Variants in PTK7 observed in about 807,000 individuals in gnomAD.
PTK7 encodes inactive tyrosine-protein kinase 7.
PTK7 carries 39 observed loss-of-function variants against 116.6 expected under a neutral mutation model. That is an observed-to-expected ratio of 0.33 (90% CI 0.26 to 0.44). PTK7 has a LOEUF of 0.44. Ranked by LOEUF, PTK7 falls within the 20% of genes least tolerant of loss-of-function variation. PTK7 has a pLI of 1.00. For missense variants in PTK7, 1,169 were observed against 1,425.6 expected, an observed-to-expected ratio of 0.82 and a Z score of 2.90; for synonymous variants, 546 against 563.6, an observed-to-expected ratio of 0.97 and a Z score of 0.44.
rs1020404875 is a variant in PTK7, at chr6:43,129,876, G to A, written c.470+47G>A. 5.8e-6 allele frequency: 9 copies of A among 1,563,246 alleles called. No individual in the cohort carries two copies. The highest frequency in any genetic ancestry group is 7.9e-6 in the Non-Finnish European group (9 of 1,135,124). ...GATGAAGAGGGTTATTCCGGACAGGGATGTCTCCCCAAATCTTGGACTCTA... is the reference window on the plus strand; with the variant it reads ...GATGAAGAGGGTTATTCCGGACAGGAATGTCTCCCCAAATCTTGGACTCTA... On this transcript the variant is annotated intron_variant, in intron 3 of 19. Transcript: ENST00000230419. This position sits in a 1 kb window ranked among gnomAD's most constrained non-coding sequence, Gnocchi z 4.5.
At chr6:43,156,779 C>T (rs1337895945) in intron 17 of PTK7, among the ~76,000 whole-genome samples, 1 of 152,030 alleles carries the variant, frequency 6.6e-6, no homozygotes, top group Non-Finnish European at 1.5e-5. Flanking sequence ...GCCTGTAATC[C>T]CAGCTACTTG....
Position 43,144,485 on chromosome 6 carries a change from G to T in PTK7, c.2286G>T (p.Glu762Asp). The change falls in exon 15 of 20, where the codon GAG becomes GAT. Residue 762 changes from glutamate to aspartate, a missense_variant. By Grantham distance (45) the Glu-to-Asp change is conservative. Transcript: ENST00000230419. ...TGCAGAACGGGCAGCCCTCAGCAGAGATCCAAGAAGAAGTGGCCTTGACCA... is the reference window on the plus strand; with the variant it reads ...TGCAGAACGGGCAGCCCTCAGCAGATATCCAAGAAGAAGTGGCCTTGACCA... ...GPLQNGQPSA[E>D]IQEEVALTSL... The T allele has an allele frequency of 1.2e-6, 2 of 1,614,128 alleles. 1 individual carries two copies. The highest frequency in any genetic ancestry group is 2.2e-5 in the South Asian group (2 of 91,082).
At chr6:43,153,937 A>G in intron 17 of PTK7, among the ~76,000 whole-genome samples, 1 of 152,034 alleles carries the variant, frequency 6.6e-6, no homozygotes, top group African/African-American at 2.4e-5. Context: ...AGGCCGAGGC[A>G]GGTGGATCAC....
In PTK7 at chr6:43,129,170, C is replaced by G. The variant is rs1769491176; in HGVS notation, c.273C>G (p.Asp91Glu). The stretch of plus-strand genomic sequence containing the variant: ...GCAGCCTGAGCTTTGCAGCTGTGGA[C>G]CGGCTGCAGGACTCTGGCACCTTCC... The part of the protein sequence containing the change: ...QGSSLSFAAV[D>E]RLQDSGTFQC... Residue 91 changes from aspartate (D) to glutamate (E), a missense_variant, in exon 2 of 20, where the codon GAC becomes GAG. Physicochemically the swap from Asp to Glu is conservative, Grantham distance 45. Coordinates refer to ENST00000230419, the MANE Select transcript of PTK7 (RefSeq NM_002821.5). The surrounding 1 kb of genome is among the most constrained non-coding windows in gnomAD (Gnocchi z 4.5). 2 of 1,614,184 alleles carry G rather than the reference C, an allele frequency of 1.2e-6. No homozygotes were observed. The highest frequency in any genetic ancestry group is 4.5e-5 in the East Asian group (2 of 44,880).
chr6:43,132,858 C>A, intron 7 of PTK7, 171 bp downstream of exon 7: 1 of 938,578 alleles, frequency 1.1e-6, no homozygotes. Context: ...GAGCCAGGCA[C>A]AGGGGTTAGG....
chr6:43,113,977 G>GT (rs1768342446), intron 1 of PTK7, among the ~76,000 whole-genome samples: 1 of 152,062 alleles, frequency 6.6e-6, no homozygotes, highest in South Asian at 2.1e-4. Context: ...TCAGAATCTA[G>GT]TGTTACCCTG....
intron 17 of PTK7, among the ~76,000 whole-genome samples, chr6:43,151,632 C>T (rs1414452956): frequency 7.3e-5 from 11 of 149,684 alleles, no homozygotes; most frequent in Non-Finnish European, 5.9e-5. Flanking sequence ...CCCGGGTTGA[C>T]GCCATTATCC....
intron 1 of PTK7, among the ~76,000 whole-genome samples, chr6:43,083,894 T>A (rs1766511301): frequency 6.6e-6 from 1 of 152,182 alleles, no homozygotes; most frequent in Non-Finnish European, 1.5e-5. Context: ...GATTGTAAGT[T>A]ACATATTAGG....
intron 17 of PTK7, among the ~76,000 whole-genome samples, chr6:43,158,095 G>T (rs1414076387): frequency 1.3e-5 from 2 of 151,912 alleles, no homozygotes; most frequent in Non-Finnish European, 2.9e-5. Context: ...TCAGGAGATC[G>T]AGACCATCCT....
chr6:43,159,932 C>T lies in PTK7; in HGVS notation c.3018C>T (p.Pro1006=). ...MWEVFTHGEM[P]HGGQADDEVL... is the part of the protein sequence containing the mutation. ...AAGTGTTTACACATGGAGAGATGCC[C>T]CATGGTGGGCAGGCAGATGATGAAG... Residue 1006 remains proline, a synonymous_variant, in exon 19 of 20, where the codon CCC becomes CCT. Coordinates refer to ENST00000230419, the MANE Select transcript of PTK7 (RefSeq NM_002821.5). 1 of 1,614,040 alleles carries T rather than the reference C, an allele frequency of 6.2e-7. No individual in the cohort carries two copies. The highest frequency in any genetic ancestry group is 8.5e-7 in the Non-Finnish European group (1 of 1,179,964).
chr6:43,152,636 C>G (rs1393422066), intron 17 of PTK7, among the ~76,000 whole-genome samples: 2 of 152,224 alleles, frequency 1.3e-5, no homozygotes, highest in African/African-American at 4.8e-5. Context: ...TGGGAATGTT[C>G]CATTTCTGTG....
chr6:43,118,659 C>CTCTCTCTCTATATA (rs1212636673), intron 1 of PTK7, among the ~76,000 whole-genome samples: 1 of 52,996 alleles, frequency 1.9e-5, no homozygotes, highest in African/African-American at 7.8e-5. Context: ...CTCTCTCTCT[C>CTCTCTCTCTATATA]TATATATATA....
Position 43,119,546 on chromosome 6 carries a change from C to A in PTK7, c.80-9431C>A, listed in dbSNP as rs571955861. 3.9e-5 allele frequency among the ~76,000 whole-genome samples: 6 copies of A among 152,220 alleles called. No homozygotes were observed. The South Asian group carries it at 8.3e-4, about 21-fold the overall frequency. On this transcript the variant is annotated intron_variant, in intron 1 of 19. Coordinates refer to ENST00000230419, the MANE Select transcript of PTK7 (RefSeq NM_002821.5). ...ACCTGGAAGCACTTTGGGTCCGAAC[C>A]CCTCCAGTGAATGGCTGTTGAGCCC...
At position 43,143,793 on chromosome 6, in the gene PTK7, G is replaced by A. The variant is rs1388067003; in HGVS notation, c.2251+173G>A. Among the ~76,000 whole-genome samples, 3 of 152,220 alleles carry A rather than the reference G, an allele frequency of 2.0e-5. No homozygotes were observed. Among genetic ancestry groups the A allele is most frequent in the African/African-American group, 7.2e-5 (3 of 41,464 alleles). ...CCTGGAGTTGGATTCCCAGGGCCTC[G>A]TCTTCTGAGCAACCTGGCTTGAGAC... On this transcript the variant is annotated intron_variant, in intron 14 of 19. Transcript: ENST00000230419. The surrounding 1 kb of genome is among the most constrained non-coding windows in gnomAD (Gnocchi z 4.2).
intron 1 of PTK7, among the ~76,000 whole-genome samples, chr6:43,086,361 TG>T (rs1474631520): frequency 3.3e-5 from 5 of 151,310 alleles, no homozygotes; most frequent in African/African-American, 4.9e-5. Flanking sequence ...GGGGTGGTTA[TG>T]GGGGCCCGCA....
chr6:43,090,809 T>C (rs961200569), intron 1 of PTK7, among the ~76,000 whole-genome samples: 1 of 152,238 alleles, frequency 6.6e-6, no homozygotes, highest in Non-Finnish European at 1.5e-5. Context: ...ATGTGCTTTA[T>C]ATATAACAAG....
chr6:43,077,740 G>A (rs530244979), intron 1 of PTK7, among the ~76,000 whole-genome samples: 2 of 152,362 alleles, frequency 1.3e-5, no homozygotes, highest in Non-Finnish European at 2.9e-5. Flanking sequence ...AATGGGAAGG[G>A]CATGGGTAAG....
chr6:43,105,794 G>A (rs988155176), intron 1 of PTK7, among the ~76,000 whole-genome samples: 3 of 152,174 alleles, frequency 2.0e-5, no homozygotes, highest in East Asian at 1.9e-4. Flanking sequence ...GGACAGAGGC[G>A]TGGAACAGAC....
intron 7 of PTK7, chr6:43,133,785 C>T (rs552313600): frequency 2.6e-5 from 4 of 152,210 alleles, no homozygotes; most frequent in East Asian, 1.9e-4. Context: ...ATTATCTTTC[C>T]GAGTGGGTAA....
Sources: allele counts gnomAD v4.1 joint callset (sites outside exome capture counted in the v4.1 genomes callset), GRCh38; gene constraint gnomAD v4.1.1; non-coding constraint Gnocchi (gnomAD v3.1); transcripts MANE v1.5; gene names NCBI Gene and HGNC (gene_info 2026-07-23, HGNC 2026-07-21).